The following ZNF236 variants were observed in gnomAD, a reference collection of about 807,000 sequenced individuals.
ZNF236 encodes the protein zinc finger protein 236, also known as regulated by glucose.
ZNF236 carries 50 observed loss-of-function variants against 191.2 expected under a neutral mutation model. That is an observed-to-expected ratio of 0.26 (90% confidence interval 0.21 to 0.33). The LOEUF (loss-of-function observed/expected upper bound fraction) is 0.33, where lower values mean the gene tolerates loss of function less well. Among genes scored for constraint, ZNF236 ranks in the 10% least tolerant of loss-of-function variants. The pLI is 1.00. For missense variants in ZNF236, 1,754 were observed against 2,374.5 expected (o/e 0.74, Z 5.43); for synonymous variants, 907 against 928.8 (o/e 0.98, Z 0.43).
chr18:76,916,862 T>C (rs1426167413), intron 19 of ZNF236, among the ~76,000 whole-genome samples: 1 of 152,166 alleles, frequency 6.6e-6, no homozygotes, highest in South Asian at 2.1e-4. Context: ...ATGGGGACTG[T>C]CATCGGAGGT....
chr18:76,846,664 A>G (rs1341039006), intron 1 of ZNF236, among the ~76,000 whole-genome samples: 1 of 152,072 alleles, frequency 6.6e-6, no homozygotes, highest in African/African-American at 2.4e-5. Context: ...ATTCTGTGTT[A>G]TATCACTGTT....
At chr18:76,921,239 T>C (rs1967524105) in intron 20 of ZNF236, among the ~76,000 whole-genome samples, 1 of 152,032 alleles carries the variant, frequency 6.6e-6, no homozygotes, top group Non-Finnish European at 1.5e-5. Context: ...AGAGTGACAA[T>C]GAGGGAGGTC....
intron 16 of ZNF236, among the ~76,000 whole-genome samples, chr18:76,911,891 G>A (rs1240970858): frequency 6.6e-6 from 1 of 152,142 alleles, no homozygotes. Context: ...GTGACAAGAG[G>A]AGACATAATA....
chr18:76,834,562 C>G (rs899201563), intron 1 of ZNF236: 2 of 488,362 alleles, frequency 4.1e-6, no homozygotes, highest in Non-Finnish European at 7.9e-6. Context: ...AACCACCTTG[C>G]TGGGGTGAAT....
Position 76,914,607 on chromosome 18 carries a change from G to A in ZNF236, c.3061+709G>A, listed in dbSNP as rs140644131. 9.9e-3 allele frequency among the ~76,000 whole-genome samples: 1,513 copies of A among 152,166 alleles called. 15 individuals carry two copies. Among genetic ancestry groups the A allele is most frequent in the Non-Finnish European group, 0.016 (1,100 of 67,998 alleles). On this transcript the variant is annotated intron_variant, in intron 18 of 30. Coordinates refer to ENST00000320610, the MANE Select transcript of ZNF236 (RefSeq NM_001306089.2). ...TGTGGATGGTCATGAGCCTTCCCAC[G>A]TGCCATTGTGGTTTTGCTTTGATTT...
At position 76,969,137 on chromosome 18, in the gene ZNF236, C is replaced by T. The variant is rs17841728; in HGVS notation, c.*798C>T. On this transcript the variant is annotated 3_prime_UTR_variant, in exon 31 of 31. Transcript: ENST00000320610. The stretch of plus-strand genomic sequence containing the variant: ...AGGTAGGAAACCACAGAACCGTCTG[C>T]AAGGAGCAAGCAACGGTGGCCCTGT... The T allele has an allele frequency of 0.02, 5,780 of 287,950 alleles. 336 individuals are homozygous for T. The highest frequency in any genetic ancestry group is 0.12 in the African/African-American group (5,299 of 44,104). The allele number at this position is 287,950 out of a possible 1,614,324, so 17.8% of individuals were successfully genotyped here. A position where few individuals can be genotyped will look rare whatever the true frequency, so the allele number is the denominator to read the frequency against.
rs75210535 is a variant in ZNF236 at position 76,875,309 on chromosome 18, A to G, written c.668-183A>G. Among the ~76,000 whole-genome samples the G allele has an allele frequency of 4.9e-3, 747 of 152,296 alleles. 6 individuals carry two copies. Among genetic ancestry groups the G allele is most frequent in the African/African-American group, 0.017 (714 of 41,546 alleles). On this transcript the variant is annotated intron_variant, in intron 5 of 30. Coordinates refer to ENST00000320610, the MANE Select transcript of ZNF236 (RefSeq NM_001306089.2). This position sits in a 1 kb window ranked among gnomAD's most constrained non-coding sequence, Gnocchi z 4.3. Reference sequence around the variant, plus strand: ...GGTGGAGCAGTTTGCGAGATGGTCAAGTGCAGTTTTGACATGTTAATTTTG... The same window carrying G: ...GGTGGAGCAGTTTGCGAGATGGTCAGGTGCAGTTTTGACATGTTAATTTTG...
intron 9 of ZNF236, among the ~76,000 whole-genome samples, chr18:76,889,644 AAGTGGAT>A (rs1408259106): frequency 3.9e-5 from 6 of 152,232 alleles, no homozygotes; most frequent in African/African-American, 1.4e-4. Flanking sequence ...GATCCATGTA[AAGTGGAT>A]AGCATGGTGG....
At chr18:76,917,418 G>A (rs980057008) in intron 19 of ZNF236, among the ~76,000 whole-genome samples, 3 of 152,100 alleles carry the variant, frequency 2.0e-5, no homozygotes, top group Non-Finnish European at 2.9e-5. Flanking sequence ...TTCTAGCATC[G>A]ATTTGGGAGT....
chr18:76,932,583 G>A (rs1442176016), intron 25 of ZNF236, among the ~76,000 whole-genome samples: 1 of 152,206 alleles, frequency 6.6e-6, no homozygotes, highest in Non-Finnish European at 1.5e-5. Flanking sequence ...AGTGGTAGTC[G>A]CTCGTGGTGC....
intron 1 of ZNF236, among the ~76,000 whole-genome samples, chr18:76,842,225 T>A (rs2122463329): frequency 6.9e-6 from 1 of 145,524 alleles, no homozygotes; most frequent in Non-Finnish European, 1.5e-5. Context: ...AAAGATTATT[T>A]ATTTTATGTT....
intron 11 of ZNF236, among the ~76,000 whole-genome samples, chr18:76,899,789 T>G (rs1469843973): frequency 6.6e-6 from 1 of 152,226 alleles, no homozygotes; most frequent in Non-Finnish European, 1.5e-5. Flanking sequence ...AGAACAAAAT[T>G]TAAGAAACCT....
At chr18:76,939,103 G>A (rs1244102219) in intron 26 of ZNF236, among the ~76,000 whole-genome samples, 1 of 152,156 alleles carries the variant, frequency 6.6e-6, no homozygotes, top group Non-Finnish European at 1.5e-5. Context: ...ACTTTGGCAA[G>A]CCGAGATGGG....
chr18:76,944,935 A>G (rs553399365), intron 26 of ZNF236, among the ~76,000 whole-genome samples: 27 of 152,352 alleles, frequency 1.8e-4, no homozygotes, highest in Non-Finnish European at 1.0e-4. Context: ...GAGAGATTCC[A>G]CATACACTTA....
At chr18:76,874,129 G>T (rs1568206712) in intron 5 of ZNF236, among the ~76,000 whole-genome samples, 2 of 152,056 alleles carry the variant, frequency 1.3e-5, no homozygotes. Context: ...TGCAGGCAGA[G>T]CCGTGACCGG....
chr18:76,943,140 AAAG>A (rs1162067682), intron 26 of ZNF236, among the ~76,000 whole-genome samples: 139 of 150,816 alleles, frequency 9.2e-4, no homozygotes, highest in African/African-American at 2.9e-3. Context: ...AAAAAAAAAA[AAAG>A]AAGAGCAAAT....
chr18:76,910,890 TTCC>T (rs1299535592), intron 16 of ZNF236, 79 bp downstream of exon 16: 6 of 1,528,620 alleles, frequency 3.9e-6, no homozygotes, highest in Non-Finnish European at 4.4e-6. Context: ...TATTAAAAAT[TTCC>T]TTAAGGGAAA....
intron 27 of ZNF236, among the ~76,000 whole-genome samples, chr18:76,950,186 TC>T (rs1262293464): frequency 6.6e-6 from 1 of 152,176 alleles, no homozygotes; most frequent in East Asian, 1.9e-4. Flanking sequence ...CGTTGATTCT[TC>T]CTTTCATGAA....
chr18:76,921,704 G>A (rs988103235), intron 20 of ZNF236, among the ~76,000 whole-genome samples: 1 of 149,620 alleles, frequency 6.7e-6, no homozygotes, highest in Non-Finnish European at 1.5e-5. Flanking sequence ...TGTCTCCATC[G>A]ACTGTACCTG....
Sources: allele counts gnomAD v4.1 joint callset (sites outside exome capture counted in the v4.1 genomes callset), GRCh38; gene constraint gnomAD v4.1.1; non-coding constraint Gnocchi (gnomAD v3.1); transcripts MANE v1.5; gene names NCBI Gene and HGNC (gene_info 2026-07-23, HGNC 2026-07-21).